CHD9: variants seen among roughly 807,000 people sequenced by gnomAD.
CHD9 encodes the protein chromodomain helicase DNA binding protein 9.
A neutral mutation model predicts 316.1 loss-of-function variants in CHD9; 77 were observed. The observed-to-expected ratio is 0.24, with a 90% CI of 0.20 to 0.29. The LOEUF (loss-of-function observed/expected upper bound fraction) is 0.29, where lower values mean the gene tolerates loss of function less well. CHD9 is among the 10% of genes least tolerant of loss of function. The pLI is 1.00. For synonymous variants in CHD9, 1,129 were observed against 1,158.3 expected (o/e 0.97, Z 0.51); for missense variants, 2,763 against 3,438.1 (o/e 0.80, Z 4.91).
intron 30 of CHD9, among the ~76,000 whole-genome samples, chr16:53,301,718 CGA>C (rs1002291039): frequency 1.1e-4 from 16 of 150,544 alleles, no homozygotes; most frequent in African/African-American, 3.9e-4. Context: ...AAAAAATGTA[CGA>C]GGAGTTTCCA....
intron 29 of CHD9, among the ~76,000 whole-genome samples, chr16:53,293,974 G>A (rs906387234): frequency 1.3e-5 from 2 of 151,824 alleles, no homozygotes; most frequent in Non-Finnish European, 2.9e-5. Context: ...ATTATCAGTA[G>A]AACAAAAGTT....
intron 8 of CHD9, among the ~76,000 whole-genome samples, chr16:53,230,344 G>A (rs990042929): frequency 2.6e-5 from 4 of 152,120 alleles, no homozygotes; most frequent in Admixed American, 2.0e-4. Context: ...TGTGGGCTGG[G>A]TATGGTGGCT....
At chr16:53,259,053 C>T (rs1014056885) in intron 19 of CHD9, among the ~76,000 whole-genome samples, 16 of 152,040 alleles carry the variant, frequency 1.1e-4, no homozygotes, top group Middle Eastern at 3.4e-3. Context: ...GATTTAATGG[C>T]GGAAGGAATG....
chr16:53,263,063 A>T lies in CHD9; in HGVS notation c.4286A>T (p.Lys1429Met). ...AACTTCTGGCAAAAATGGGCTAAAA[A>T]GGCAGAAATAGATATAGAGGCCATC... ...DPNFWQKWAKKAEIDIEAISG... is the reference protein window; with the variant it reads ...DPNFWQKWAKMAEIDIEAISG... The change falls in exon 20 of 39, where the codon AAG (lysine) becomes ATG (methionine). Residue 1429 changes from lysine to methionine, a missense_variant. Physicochemically the swap from Lys to Met is moderately conservative, Grantham distance 95 (BLOSUM62 -1). Transcript: ENST00000447540. The T allele has an allele frequency of 6.2e-7, 1 of 1,612,856 alleles. No individual in the cohort carries two copies. The highest frequency in any genetic ancestry group is 8.5e-7 in the Non-Finnish European group (1 of 1,179,136).
intron 22 of CHD9, among the ~76,000 whole-genome samples, chr16:53,271,654 C>T (rs542094726): frequency 6.6e-6 from 1 of 151,712 alleles, no homozygotes; most frequent in East Asian, 1.9e-4. Flanking sequence ...AGGAGGACAC[C>T]TTTTCTTTAA....
intron 1 of CHD9, among the ~76,000 whole-genome samples, chr16:53,147,819 C>A (rs546975138): frequency 6.6e-6 from 1 of 152,224 alleles, no homozygotes; most frequent in African/African-American, 2.4e-5. Flanking sequence ...CTGTTTGAGT[C>A]CCTATTTTCA....
At chr16:53,256,650 T>C (rs2050632459) in intron 19 of CHD9, among the ~76,000 whole-genome samples, 1 of 149,834 alleles carries the variant, frequency 6.7e-6, no homozygotes, top group Non-Finnish European at 1.5e-5. Flanking sequence ...CTCTCTCCTT[T>C]TTTTTTTTTT....
chr16:53,215,899 A>T (rs936935062), intron 3 of CHD9, among the ~76,000 whole-genome samples: 1 of 152,184 alleles, frequency 6.6e-6, no homozygotes, highest in Admixed American at 6.5e-5. Context: ...ATACTTATCA[A>T]ATGAATTTAC....
chr16:53,309,311 AGCCCTTTTTATTATTGG>A (rs776520599), intron 34 of CHD9, among the ~76,000 whole-genome samples: 4 of 152,226 alleles, frequency 2.6e-5, no homozygotes, highest in African/African-American at 4.8e-5. Flanking sequence ...TTCCTTAAAT[AGCCCTTTTTATTATTGG>A]GCAGCTCAAA....
chr16:53,326,361 G>T lies in CHD9; in HGVS notation c.*1466G>T, dbSNP rs16945073. 19,010 of 152,392 alleles carry T rather than the reference G, an allele frequency of 0.12. 1,325 individuals are homozygous for T. Among genetic ancestry groups the T allele is most frequent in the South Asian group, 0.23 (1,117 of 4,816 alleles). The allele number at this position is 152,392 out of a possible 1,614,324, so 9.4% of individuals were successfully genotyped here. A position where few individuals can be genotyped will look rare whatever the true frequency, so the allele number is the denominator to read the frequency against. On this transcript the variant is annotated 3_prime_UTR_variant, in exon 39 of 39. Coordinates refer to ENST00000447540, the MANE Select transcript of CHD9 (RefSeq NM_001308319.2). ...AAGGGCATAAATTTAGGGGGAAAAAGTGTCCCAGTTCTCTCCTACAGAAAA... is the reference window on the plus strand; with the variant it reads ...AAGGGCATAAATTTAGGGGGAAAAATTGTCCCAGTTCTCTCCTACAGAAAA...
intron 2 of CHD9, among the ~76,000 whole-genome samples, chr16:53,200,357 C>G (rs1449186639): frequency 8.9e-6 from 1 of 112,132 alleles, no homozygotes; most frequent in African/African-American, 3.6e-5. Context: ...GGCAACAGAG[C>G]AATACTCTGT....
In CHD9 at chr16:53,222,691, CT is replaced by C; in HGVS notation, c.1834del (p.Ser612GlnfsTer15). On this transcript the variant is annotated frameshift_variant, in exon 4 of 39. Transcript: ENST00000447540. LOFTEE classifies it high-confidence loss of function. ...LGKKQKRKNE[S>X]SDEISDAEQM... ...AAGAAACAAAAAAGAAAGAATGAGTCTTCAGATGAAATATCTGATGCAGAAC... is the reference window on the plus strand; with the variant it reads ...AAGAAACAAAAAAGAAAGAATGAGTCTCAGATGAAATATCTGATGCAGAAC... 1 of 1,583,040 alleles carries C rather than the reference CT, an allele frequency of 6.3e-7. No individual in the cohort carries two copies. The highest frequency in any genetic ancestry group is 8.6e-7 in the Non-Finnish European group (1 of 1,159,972).
At position 53,307,830 on chromosome 16, in the gene CHD9, C is replaced by T. The variant is rs1275099396; in HGVS notation, c.6930C>T (p.Tyr2310=). The change falls in exon 33 of 39, where the codon TAC becomes TAT. Residue 2310 remains tyrosine (Y), a synonymous_variant. Coordinates refer to ENST00000447540, the MANE Select transcript of CHD9 (RefSeq NM_001308319.2). ...LLDSPGAATE[Y]SDPSVPTPPG... ...ACAGCCCTGGAGCAGCTACAGAATA[C>T]AGCGATCCCAGTGTACCCACTCCCC... is the stretch of plus-strand genomic sequence containing the variant. 1 of 1,613,730 alleles carries T rather than the reference C, an allele frequency of 6.2e-7. No individual in the cohort carries two copies. The highest frequency in any genetic ancestry group is 8.5e-7 in the Non-Finnish European group (1 of 1,179,816).
chr16:53,267,584 A>C, intron 21 of CHD9, 94 bp downstream of exon 21: 1 of 916,194 alleles, frequency 1.1e-6, no homozygotes, highest in Non-Finnish European at 1.6e-6. Flanking sequence ...TTATCTTCTT[A>C]GAATCATTAA....
intron 1 of CHD9, among the ~76,000 whole-genome samples, chr16:53,126,132 T>C (rs552871134): frequency 4.0e-4 from 61 of 152,348 alleles, no homozygotes; most frequent in African/African-American, 1.3e-3. Flanking sequence ...TAATCCAAGA[T>C]CCTAAAGATT....
At chr16:53,253,223 T>G (rs921816171) in intron 17 of CHD9, among the ~76,000 whole-genome samples, 2 of 139,116 alleles carry the variant, frequency 1.4e-5, no homozygotes, top group African/African-American at 5.4e-5. Context: ...TATATATGTG[T>G]GTGTATATAT....
rs112267703 is a variant in CHD9, at chr16:53,268,647, A to C, written c.4717+521A>C. 7.8e-4 allele frequency among the ~76,000 whole-genome samples: 119 copies of C among 152,346 alleles called. 1 individual carries two copies. Among genetic ancestry groups the C allele is most frequent in the African/African-American group, 2.5e-3 (105 of 41,582 alleles). On this transcript the variant is annotated intron_variant, in intron 22 of 38. Transcript: ENST00000447540. ...AAAATGTGGTCTCTGGGTCAGCAGCATCAGCATCTTCTGGAAGCTTCTTAG... is the reference window on the plus strand; with the variant it reads ...AAAATGTGGTCTCTGGGTCAGCAGCCTCAGCATCTTCTGGAAGCTTCTTAG...
intron 3 of CHD9, among the ~76,000 whole-genome samples, chr16:53,219,176 A>G (rs1374074596): frequency 6.6e-6 from 1 of 152,194 alleles, no homozygotes; most frequent in African/African-American, 2.4e-5. Flanking sequence ...ACACTTTAAT[A>G]TTAGTAAACT....
At chr16:53,131,262 C>T (rs990453161) in intron 1 of CHD9, 1 of 150,404 alleles carries the variant, frequency 6.6e-6, no homozygotes, top group African/African-American at 2.5e-5. Flanking sequence ...GCGGGGGCGC[C>T]TCAGTCATGG....
Sources: allele counts gnomAD v4.1 joint callset (sites outside exome capture counted in the v4.1 genomes callset), GRCh38; gene constraint gnomAD v4.1.1; transcripts MANE v1.5; gene names NCBI Gene and HGNC (gene_info 2026-07-23, HGNC 2026-07-21).